Variants in AGBL4 observed in about 807,000 individuals in gnomAD.
The protein encoded by AGBL4 is AGBL carboxypeptidase 4, also known as cytosolic carboxypeptidase 6.
A neutral mutation model predicts 66.4 loss-of-function variants in AGBL4; 58 were observed. That is an observed-to-expected ratio of 0.87 (90% CI 0.71 to 1.09). The LOEUF (loss-of-function observed/expected upper bound fraction) is 1.09. Among genes scored for constraint, AGBL4 ranks in the 50% least tolerant of loss-of-function variants. The probability of loss-of-function intolerance (pLI) is 0.00; values close to 1 mark genes in which losing one functional copy is unlikely to be tolerated. For synonymous variants in AGBL4, 234 were observed against 222.9 expected, an observed-to-expected ratio of 1.05 and a Z score of -0.44; for missense variants, 579 against 631.0, an observed-to-expected ratio of 0.92 and a Z score of 0.88.
chr1:49,730,609 G>T (rs559655945), intron 2 of AGBL4, among the ~76,000 whole-genome samples: 3 of 152,272 alleles, frequency 2.0e-5, no homozygotes, highest in Admixed American at 6.5e-5. Context: ...TTCAGGTGCT[G>T]CCATGTCCAC....
intron 6 of AGBL4, among the ~76,000 whole-genome samples, chr1:48,842,430 T>C (rs1392287921): frequency 6.6e-6 from 1 of 152,178 alleles, no homozygotes; most frequent in Non-Finnish European, 1.5e-5. Context: ...TTTCTTATGA[T>C]TATGGCTGCC....
chr1:49,808,023 T>C (rs1286541331), intron 2 of AGBL4, among the ~76,000 whole-genome samples: 1 of 152,186 alleles, frequency 6.6e-6, no homozygotes, highest in Admixed American at 6.5e-5. Context: ...AAAGTACAGT[T>C]GTTTAAAAGG....
At chr1:48,780,751 TCCTTACA>T (rs1442866534) in intron 6 of AGBL4, among the ~76,000 whole-genome samples, 1 of 152,274 alleles carries the variant, frequency 6.6e-6, no homozygotes, top group East Asian at 1.9e-4. Flanking sequence ...CTGGACCCCC[TCCTTACA>T]CCTTATACAA....
intron 2 of AGBL4, chr1:49,845,622 A>C: frequency 2.5e-6 from 4 of 1,607,094 alleles, no homozygotes; most frequent in Non-Finnish European, 3.4e-6. Flanking sequence ...AGATCACACC[A>C]CTGATTCAGC....
intron 1 of AGBL4, among the ~76,000 whole-genome samples, chr1:49,928,831 A>C (rs537681216): frequency 1.9e-3 from 294 of 152,278 alleles, no homozygotes; most frequent in South Asian, 3.3e-3. Flanking sequence ...CAAAGAAAAA[A>C]AAAAAATCAT....
At chr1:48,633,219 A>G (rs1645618833) in intron 9 of AGBL4, among the ~76,000 whole-genome samples, 1 of 152,170 alleles carries the variant, frequency 6.6e-6, no homozygotes, top group African/African-American at 2.4e-5. Context: ...ACTACATTGC[A>G]CCTCAGGACT....
At chr1:48,742,844 C>CT in intron 6 of AGBL4, 1 of 1,407,738 alleles carries the variant, frequency 7.1e-7, no homozygotes, top group Non-Finnish European at 9.4e-7. Context: ...AACTAGGCAT[C>CT]TATCAGCACA....
At chr1:48,670,855 G>A (rs1164155672) in intron 6 of AGBL4, among the ~76,000 whole-genome samples, 1 of 152,236 alleles carries the variant, frequency 6.6e-6, no homozygotes, top group Admixed American at 6.5e-5. Flanking sequence ...CAGAGGCTCT[G>A]AGATTCCCAT....
At chr1:49,125,775 G>A (rs1041823390) in intron 4 of AGBL4, among the ~76,000 whole-genome samples, 8 of 152,064 alleles carry the variant, frequency 5.3e-5, no homozygotes, top group Non-Finnish European at 7.4e-5. Context: ...ACTTTACCAA[G>A]GGCATCCAGA....
At chr1:49,162,789 A>C (rs1646563864) in intron 4 of AGBL4, among the ~76,000 whole-genome samples, 1 of 152,208 alleles carries the variant, frequency 6.6e-6, no homozygotes, top group Admixed American at 6.5e-5. Flanking sequence ...GGAAATAATA[A>C]TTAGTCCTCA....
intron 5 of AGBL4, among the ~76,000 whole-genome samples, chr1:49,038,957 T>C (rs1664882455): frequency 2.0e-5 from 3 of 152,092 alleles, no homozygotes; most frequent in African/African-American, 7.2e-5. Context: ...TAAGATATCC[T>C]TCAATAGGTA....
At chr1:49,565,966 A>C (rs1402341277) in intron 3 of AGBL4, among the ~76,000 whole-genome samples, 2 of 152,062 alleles carry the variant, frequency 1.3e-5, no homozygotes, top group Non-Finnish European at 2.9e-5. Flanking sequence ...GTCTTTTCAC[A>C]TAGTCCCATA....
chr1:49,210,195 A>G (rs1274112089), intron 4 of AGBL4, among the ~76,000 whole-genome samples: 2 of 152,014 alleles, frequency 1.3e-5, no homozygotes. Context: ...TCTTAGCATC[A>G]TTGTACAAAC....
chr1:49,634,080 T>C (rs980216446), intron 3 of AGBL4, among the ~76,000 whole-genome samples: 4 of 151,898 alleles, frequency 2.6e-5, no homozygotes, highest in Admixed American at 2.6e-4. Flanking sequence ...TTTTAAAAAT[T>C]ATACTTTAAG....
chr1:49,706,186 T>A (rs1479875999), intron 2 of AGBL4, among the ~76,000 whole-genome samples: 4 of 152,192 alleles, frequency 2.6e-5, no homozygotes, highest in African/African-American at 9.6e-5. Flanking sequence ...CCTGGACTTT[T>A]GTTGGTTGGT....
At chr1:49,100,677 G>A (rs1414070107) in intron 4 of AGBL4, among the ~76,000 whole-genome samples, 3 of 152,128 alleles carry the variant, frequency 2.0e-5, no homozygotes, top group African/African-American at 7.2e-5. Context: ...CTGAGTCTAG[G>A]GAGTCGGGCA....
At chr1:49,232,632 G>C (rs955136277) in intron 4 of AGBL4, among the ~76,000 whole-genome samples, 1 of 151,746 alleles carries the variant, frequency 6.6e-6, no homozygotes, top group African/African-American at 2.4e-5. Context: ...CCAGGAGGCA[G>C]AGCTTACAGT....
rs1210295985 is a variant in AGBL4 at position 48,919,424 on chromosome 1, C to T, written c.595-52194G>A. The stretch of plus-strand genomic sequence containing the variant: ...AGTGCTCTTTCTCATATACACATTG[C>T]CTGATTTATGCACTCTGAATTTATT... On this transcript the variant is annotated intron_variant, in intron 5 of 13. Transcript: ENST00000371839. Among the ~76,000 whole-genome samples the T allele has an allele frequency of 2.6e-5, 4 of 152,154 alleles. 1 individual carries two copies. Among genetic ancestry groups the T allele is most frequent in the Admixed American group, 6.5e-5 (1 of 15,272 alleles).
chr1:49,282,530 A>C (rs554558186), intron 3 of AGBL4, among the ~76,000 whole-genome samples: 2 of 152,350 alleles, frequency 1.3e-5, no homozygotes, highest in South Asian at 4.1e-4. Context: ...AAGATGGCCG[A>C]ATAGGAACAG....
Sources: allele counts gnomAD v4.1 joint callset (sites outside exome capture counted in the v4.1 genomes callset), GRCh38; gene constraint gnomAD v4.1.1; transcripts MANE v1.5; gene names NCBI Gene and HGNC (gene_info 2026-07-23, HGNC 2026-07-21).